CCDC148: variants seen among roughly 807,000 people sequenced by gnomAD.
CCDC148 encodes the protein coiled-coil domain-containing protein 148.
CCDC148 carries 89 observed loss-of-function variants against 85.7 expected under a neutral mutation model. That is an observed-to-expected ratio of 1.04 (90% confidence interval 0.87 to 1.24). The LOEUF (loss-of-function observed/expected upper bound fraction) is 1.24. CCDC148 is among the 50% of genes most tolerant of loss of function. CCDC148 has a pLI of 0.00. For missense variants in CCDC148, 692 were observed against 671.7 expected, an observed-to-expected ratio of 1.03 and a Z score of -0.33; for synonymous variants, 230 against 213.9, an observed-to-expected ratio of 1.08 and a Z score of -0.66.
At chr2:158,324,172 C>T (rs1692654008) in intron 7 of CCDC148, among the ~76,000 whole-genome samples, 1 of 152,014 alleles carries the variant, frequency 6.6e-6, no homozygotes, top group Non-Finnish European at 1.5e-5. Flanking sequence ...CCCATCTTGC[C>T]TCCCACAGTG....
At chr2:158,196,445 C>A (rs938178670) in intron 11 of CCDC148, among the ~76,000 whole-genome samples, 1 of 152,112 alleles carries the variant, frequency 6.6e-6, no homozygotes, top group Non-Finnish European at 1.5e-5. Flanking sequence ...CTTCTCCTCC[C>A]CCCAGCCAGT....
intron 9 of CCDC148, among the ~76,000 whole-genome samples, chr2:158,298,139 A>G (rs1334986709): frequency 1.3e-5 from 2 of 152,166 alleles, no homozygotes; most frequent in African/African-American, 4.8e-5. Context: ...ATCTGGTGAG[A>G]ACTCACTCAG....
intron 9 of CCDC148, among the ~76,000 whole-genome samples, chr2:158,265,550 CTT>C (rs772233447): frequency 3.3e-5 from 5 of 152,076 alleles, no homozygotes; most frequent in African/African-American, 1.2e-4. Flanking sequence ...ATGTTTCTAA[CTT>C]ATAATTTATA....
intron 1 of CCDC148, among the ~76,000 whole-genome samples, chr2:158,431,254 C>T (rs112030300): frequency 0.037 from 5,643 of 151,668 alleles, 165 homozygotes; most frequent in African/African-American, 0.078. Context: ...CCAGGAATTA[C>T]AAGCCTTAAT....
chr2:158,365,903 T>A, intron 1 of CCDC148: 2 of 714,948 alleles, frequency 2.8e-6, no homozygotes, highest in South Asian at 4.5e-5. Flanking sequence ...AACCAGAAAG[T>A]GAGCTTTCCA....
chr2:158,416,302 G>T (rs936664429), intron 1 of CCDC148, among the ~76,000 whole-genome samples: 4 of 152,136 alleles, frequency 2.6e-5, no homozygotes, highest in Non-Finnish European at 4.4e-5. Flanking sequence ...TGCCTTGAAG[G>T]CATTTTCCCT....
intron 11 of CCDC148, among the ~76,000 whole-genome samples, chr2:158,215,405 G>T (rs1180611289): frequency 1.3e-5 from 2 of 152,178 alleles, no homozygotes; most frequent in Non-Finnish European, 2.9e-5. Flanking sequence ...AGATACAAAA[G>T]AAGTATGACA....
chr2:158,193,182 G>A (rs1574372597), intron 11 of CCDC148, among the ~76,000 whole-genome samples: 1 of 152,100 alleles, frequency 6.6e-6, no homozygotes, highest in African/African-American at 2.4e-5. Flanking sequence ...TCTAGGCTTT[G>A]AAAATAATTG....
Position 158,456,550 on chromosome 2 carries a change from A to G in CCDC148, c.-111T>C. 7.4e-7 allele frequency: 1 copy of G among 1,349,870 alleles called. No homozygotes were observed. The highest frequency in any genetic ancestry group is 1.0e-6 in the Non-Finnish European group (1 of 993,540). The allele number at this position is 1,349,870 out of a possible 1,614,324, so 83.6% of individuals were successfully genotyped here. A position where few individuals can be genotyped will look rare whatever the true frequency, so the allele number is the denominator to read the frequency against. Reference sequence around the variant, plus strand: ...TACATCTAAGGGCTCAGCTGTTCCTACCTTTGACGCCAGGGACAAACCCTA... The same window carrying G: ...TACATCTAAGGGCTCAGCTGTTCCTGCCTTTGACGCCAGGGACAAACCCTA... On this transcript the variant is annotated 5_prime_UTR_variant, in exon 1 of 14. Transcript: ENST00000283233.
intron 7 of CCDC148, among the ~76,000 whole-genome samples, chr2:158,334,295 T>G (rs1369726012): frequency 6.6e-6 from 1 of 152,164 alleles, no homozygotes; most frequent in African/African-American, 2.4e-5. Context: ...TATCTTTCTG[T>G]CTCTCCAATT....
rs62175379 is a variant in CCDC148 at position 158,198,775 on chromosome 2, G to T, written c.1371-19779C>A. Among the ~76,000 whole-genome samples, 131 of 152,240 alleles carry T rather than the reference G, an allele frequency of 8.6e-4. 1 individual carries two copies. Among genetic ancestry groups the T allele is most frequent in the Middle Eastern group, 3.4e-3 (1 of 294 alleles). On this transcript the variant is annotated intron_variant, in intron 11 of 13. Transcript: ENST00000283233. Reference sequence around the variant, plus strand: ...CTGAGTTTAAATTTATCTTAAGTTAGATTCTGTATGTTACCAGCAGCACAA... The same window carrying T: ...CTGAGTTTAAATTTATCTTAAGTTATATTCTGTATGTTACCAGCAGCACAA...
intron 9 of CCDC148, among the ~76,000 whole-genome samples, chr2:158,269,052 A>C (rs1689589745): frequency 6.6e-6 from 1 of 152,106 alleles, no homozygotes; most frequent in African/African-American, 2.4e-5. Context: ...GATTGGTGAT[A>C]ATTTCATTTT....
chr2:158,271,122 T>C (rs1689679608), intron 9 of CCDC148, among the ~76,000 whole-genome samples: 1 of 152,200 alleles, frequency 6.6e-6, no homozygotes, highest in Non-Finnish European at 1.5e-5. Context: ...AGCATAATCA[T>C]CATCACTTTC....
At chr2:158,361,701 T>A (rs926347910) in intron 1 of CCDC148, among the ~76,000 whole-genome samples, 2 of 152,096 alleles carry the variant, frequency 1.3e-5, no homozygotes, top group Admixed American at 1.3e-4. Context: ...GAACAACCGG[T>A]ACCAGCCACT....
intron 9 of CCDC148, among the ~76,000 whole-genome samples, chr2:158,281,128 G>C (rs1286793621): frequency 6.6e-6 from 1 of 152,138 alleles, no homozygotes; most frequent in East Asian, 1.9e-4. Flanking sequence ...ATTCAAAGCA[G>C]TGTGTACAGG....
chr2:158,290,556 C>T (rs72938160), intron 9 of CCDC148, among the ~76,000 whole-genome samples: 8,873 of 152,206 alleles, frequency 0.058, 354 homozygotes, highest in Non-Finnish European at 0.081. Context: ...GACTCAATTG[C>T]TGTCTTCTCA....
At chr2:158,272,738 G>A (rs893710989) in intron 9 of CCDC148, among the ~76,000 whole-genome samples, 6 of 152,286 alleles carry the variant, frequency 3.9e-5, no homozygotes, top group African/African-American at 1.4e-4. Context: ...AGAAGAACTG[G>A]TCTTGAGTCA....
chr2:158,274,510 A>G (rs1378182119), intron 9 of CCDC148, among the ~76,000 whole-genome samples: 1 of 152,182 alleles, frequency 6.6e-6, no homozygotes, highest in African/African-American at 2.4e-5. Context: ...TAAAATATAT[A>G]TTATTTTATG....
At chr2:158,378,627 C>A (rs1243165873) in intron 1 of CCDC148, among the ~76,000 whole-genome samples, 2 of 152,098 alleles carry the variant, frequency 1.3e-5, no homozygotes. Context: ...GACAGGCTGA[C>A]TTTCTTGTTA....
Sources: allele counts gnomAD v4.1 joint callset (sites outside exome capture counted in the v4.1 genomes callset), GRCh38; gene constraint gnomAD v4.1.1; transcripts MANE v1.5; gene names NCBI Gene and HGNC (gene_info 2026-07-23, HGNC 2026-07-21).